Variants in PDE1A observed in about 807,000 individuals in gnomAD.
PDE1A encodes the protein phosphodiesterase 1A, also known as dual specificity calcium/calmodulin-dependent 3',5'-cyclic nucleotide phosphodiesterase 1A.
A neutral mutation model predicts 61.7 loss-of-function variants in PDE1A; 35 were observed. The ratio of observed to expected loss-of-function variants is 0.57; its 90% CI spans 0.43 to 0.75. The LOEUF (loss-of-function observed/expected upper bound fraction) is 0.75, where lower values mean the gene tolerates loss of function less well. Ranked by LOEUF, PDE1A falls within the 30% of genes least tolerant of loss-of-function variation. The pLI is 0.00. For missense variants in PDE1A, 597 were observed against 630.6 expected, an observed-to-expected ratio of 0.95 and a Z score of 0.57; for synonymous variants, 232 against 213.2, an observed-to-expected ratio of 1.09 and a Z score of -0.77.
At chr2:182,543,517 G>A in the PDE1A span, among the ~76,000 whole-genome samples, 4 of 152,132 alleles carry the variant, frequency 2.6e-5, no homozygotes, top group Non-Finnish European at 5.9e-5. Context: ...ACTATAAAAG[G>A]AACAGGGGAT....
At chr2:182,628,899 T>A in the PDE1A span, among the ~76,000 whole-genome samples, 2 of 152,132 alleles carry the variant, frequency 1.3e-5, no homozygotes, top group Non-Finnish European at 2.9e-5. Context: ...GCCAACAGAA[T>A]ATGGCAAAAG....
intron 2 of PDE1A, among the ~76,000 whole-genome samples, chr2:182,497,884 A>C (rs1042606733): frequency 1.3e-5 from 2 of 151,810 alleles, no homozygotes; most frequent in African/African-American, 4.8e-5. Flanking sequence ...CTACTGAAAA[A>C]ATACAAAAAA....
chr2:182,381,061 A>C (rs1307041008), intron 1 of PDE1A, among the ~76,000 whole-genome samples: 1 of 152,256 alleles, frequency 6.6e-6, no homozygotes, highest in Non-Finnish European at 1.5e-5. Flanking sequence ...AGTAGTAATG[A>C]GCTCTAAGCA....
chr2:182,143,861 T>G (rs1384049804), downstream of PDE1A, among the ~76,000 whole-genome samples: 1 of 152,180 alleles, frequency 6.6e-6, no homozygotes. Flanking sequence ...TTACATCAGT[T>G]GGAATTTCTC....
intron 2 of PDE1A, among the ~76,000 whole-genome samples, chr2:182,259,576 T>A (rs1177257808): frequency 2.0e-5 from 3 of 152,236 alleles, no homozygotes; most frequent in African/African-American, 7.2e-5. Flanking sequence ...ATTTTGTAGA[T>A]GATAAAGCCA....
Position 182,151,166 on chromosome 2 carries a change from C to T in PDE1A, c.1517-4014G>A, listed in dbSNP as rs548614086. On this transcript the variant is annotated intron_variant, in intron 13 of 13. Transcript: ENST00000409365. ...GCAATGGTGCAATCTCAGCCCATTG[C>T]AACCTCCGCTTCCTGGGTTCAAGCG... is the stretch of plus-strand genomic sequence containing the variant. 2.6e-5 allele frequency among the ~76,000 whole-genome samples: 4 copies of T among 152,310 alleles called. No homozygotes were observed. In the East Asian group the frequency reaches 7.7e-4, roughly 29 times the overall value.
the PDE1A span, among the ~76,000 whole-genome samples, chr2:182,540,578 T>C: frequency 6.6e-6 from 1 of 152,100 alleles, no homozygotes; most frequent in African/African-American, 2.4e-5. Flanking sequence ...AAACAAATAG[T>C]GTCTGAGTTA....
chr2:182,637,921 C>G, the PDE1A span, among the ~76,000 whole-genome samples: 207 of 151,530 alleles, frequency 1.4e-3, 1 homozygote, highest in Admixed American at 2.8e-3. Context: ...GACTCTGTCT[C>G]AAAAAAACAA....
At chr2:182,627,166 AATAATATTTATATATAAAATATAAATATT>A in the PDE1A span, among the ~76,000 whole-genome samples, 53 of 21,722 alleles carry the variant, frequency 2.4e-3, 1 homozygote, top group South Asian at 4.0e-3. Flanking sequence ...ATAAAATATA[AATAATATTTATATATAAAATATAAATATT>A]ATATTATTTA....
chr2:182,626,838 C>CAT, the PDE1A span, among the ~76,000 whole-genome samples: 96 of 10,018 alleles, frequency 9.6e-3, 14 homozygotes, highest in South Asian at 0.04. Flanking sequence ...TATATATATA[C>CAT]ATATATATAC....
At chr2:182,156,273 A>T (rs1691076284) in intron 13 of PDE1A, among the ~76,000 whole-genome samples, 1 of 152,206 alleles carries the variant, frequency 6.6e-6, no homozygotes, top group South Asian at 2.1e-4. Context: ...AAACAATAGT[A>T]AACATTCAGA....
At chr2:182,373,004 G>C (rs1700201639) in intron 1 of PDE1A, among the ~76,000 whole-genome samples, 1 of 152,222 alleles carries the variant, frequency 6.6e-6, no homozygotes, top group Non-Finnish European at 1.5e-5. Flanking sequence ...CCCAAGCCCT[G>C]TGCACTGGGA....
At chr2:182,283,583 C>A (rs1693965490) in intron 1 of PDE1A, among the ~76,000 whole-genome samples, 1 of 151,830 alleles carries the variant, frequency 6.6e-6, no homozygotes, top group Admixed American at 6.6e-5. Flanking sequence ...AAAATCTTTT[C>A]AACTTTTAGC....
At chr2:182,693,152 T>G in the PDE1A span, among the ~76,000 whole-genome samples, 3 of 152,174 alleles carry the variant, frequency 2.0e-5, no homozygotes, top group Non-Finnish European at 2.9e-5. Flanking sequence ...CCTAGAATCC[T>G]ATGAATCTTT....
intron 1 of PDE1A, among the ~76,000 whole-genome samples, chr2:182,415,310 T>TGCAA (rs1702850121): frequency 6.6e-6 from 1 of 152,078 alleles, no homozygotes; most frequent in African/African-American, 2.4e-5. Flanking sequence ...TAACAAAACA[T>TGCAA]GCAAGCTTCA....
chr2:182,436,881 ACTGCCTCTC>A (rs1238246517), intron 2 of PDE1A, among the ~76,000 whole-genome samples: 1 of 152,000 alleles, frequency 6.6e-6, no homozygotes, highest in Non-Finnish European at 1.5e-5. Flanking sequence ...AACATATTGC[ACTGCCTCTC>A]CATGATCATA....
Position 182,503,855 on chromosome 2 carries a change from A to T in PDE1A, c.101+18421T>A, listed in dbSNP as rs184699499. ...TCGTATCTGGACTGTTTATTGTTAT[A>T]TCCCTGGTTCCTAGAGTAATGCTGG... On this transcript the variant is annotated intron_variant, in intron 2 of 14. Transcript: ENST00000410103. 4.1e-4 allele frequency among the ~76,000 whole-genome samples: 63 copies of T among 152,292 alleles called. 1 individual carries two copies. Among genetic ancestry groups the T allele is most frequent in the Non-Finnish European group, 2.9e-5 (2 of 68,028 alleles).
chr2:182,518,223 GT>G (rs202063979), intron 2 of PDE1A, among the ~76,000 whole-genome samples: 5 of 151,808 alleles, frequency 3.3e-5, no homozygotes, highest in Non-Finnish European at 4.4e-5. Context: ...TCACTTCCAT[GT>G]TTTTTTTGCT....
chr2:182,342,260 T>C (rs775745335), intron 1 of PDE1A, among the ~76,000 whole-genome samples: 8 of 152,202 alleles, frequency 5.3e-5, no homozygotes, highest in Admixed American at 3.3e-4. Context: ...TGTTTGTTTT[T>C]ATATAGTATT....
Sources: allele counts gnomAD v4.1 joint callset (sites outside exome capture counted in the v4.1 genomes callset), GRCh38; gene constraint gnomAD v4.1.1; transcripts MANE v1.5; gene names NCBI Gene and HGNC (gene_info 2026-07-23, HGNC 2026-07-21).